B4GALNT2: variants seen among roughly 807,000 people sequenced by gnomAD.
The protein encoded by B4GALNT2 is beta-1,4-N-acetyl-galactosaminyltransferase 2 (SID blood group).
B4GALNT2 carries 42 observed loss-of-function variants against 51.1 expected under a neutral mutation model. The observed-to-expected ratio is 0.82, with a 90% CI of 0.64 to 1.06. The LOEUF (loss-of-function observed/expected upper bound fraction) is 1.06, where lower values mean the gene tolerates loss of function less well. Among genes scored for constraint, B4GALNT2 ranks in the 50% least tolerant of loss-of-function variants. B4GALNT2 has a pLI of 0.00. For synonymous variants in B4GALNT2, 253 were observed against 251.7 expected, an observed-to-expected ratio of 1.01 and a Z score of -0.05; for missense variants, 602 against 633.6, an observed-to-expected ratio of 0.95 and a Z score of 0.54.
intron 4 of B4GALNT2, among the ~76,000 whole-genome samples, chr17:49,155,052 G>A (rs1363623777): frequency 2.0e-5 from 3 of 152,112 alleles, no homozygotes; most frequent in Non-Finnish European, 4.4e-5. Flanking sequence ...GCTCTTGCCT[G>A]TAATCCCACC....
At chr17:49,121,599 C>G in the B4GALNT2 span, among the ~76,000 whole-genome samples, 1 of 152,084 alleles carries the variant, frequency 6.6e-6, no homozygotes, top group Admixed American at 6.6e-5. Context: ...GCTGGAATGA[C>G]CAAATACAGA....
chr17:49,166,316 G>C, intron 9 of B4GALNT2, 62 bp downstream of exon 9: 2 of 1,175,352 alleles, frequency 1.7e-6, no homozygotes, highest in Non-Finnish European at 2.3e-6. Context: ...GAGGGGAGAA[G>C]AGAGCGGGAA....
chr17:49,169,573 G>C lies in B4GALNT2; in HGVS notation c.1366G>C (p.Val456Leu). 6.2e-6 allele frequency: 10 copies of C among 1,612,876 alleles called. No homozygotes were observed. Among genetic ancestry groups the C allele is most frequent in the Non-Finnish European group, 8.5e-6 (10 of 1,180,022 alleles). The change falls in exon 11 of 11, where the codon GTG (valine) becomes CTG (leucine). Residue 456 changes from valine to leucine, a missense_variant. Physicochemically the swap from Val to Leu is conservative, Grantham distance 32. Coordinates refer to ENST00000393354, the MANE Select transcript of B4GALNT2 (RefSeq NM_001159387.2). ...GTLLVGSCPE[V>L]IIGHQSRSPV... Reference sequence around the variant, plus strand: ...CCTACTCGTGGGGTCATGCCCAGAAGTGATTATAGGTCACCAGTCTCGGTC... The same window carrying C: ...CCTACTCGTGGGGTCATGCCCAGAACTGATTATAGGTCACCAGTCTCGGTC...
At position 49,171,769 on chromosome 17, in the gene B4GALNT2, G is replaced by A. The variant is rs868446461; in HGVS notation, c.*2041G>A. Reference sequence around the variant, plus strand: ...ATAATGATTCCATAGGAATCGTTGTGCAGCACCTCTACCTGTTCTGCAATG... The same window carrying A: ...ATAATGATTCCATAGGAATCGTTGTACAGCACCTCTACCTGTTCTGCAATG... On this transcript the variant is annotated 3_prime_UTR_variant, in exon 11 of 11. Coordinates refer to ENST00000393354, the MANE Select transcript of B4GALNT2 (RefSeq NM_001159387.2). The A allele has an allele frequency of 3.5e-5, 15 of 422,878 alleles. No individual in the cohort carries two copies. Among genetic ancestry groups the A allele is most frequent in the African/African-American group, 1.3e-4 (6 of 47,746 alleles). 26.2% of individuals were successfully genotyped at this position (422,878 alleles called of 1,614,324 possible). A position where few individuals can be genotyped will look rare whatever the true frequency, so the allele number is the denominator to read the frequency against.
rs201429943 is a variant in B4GALNT2 at position 49,166,162 on chromosome 17, T to C, written c.1003T>C (p.Tyr335His). 6.2e-7 allele frequency: 1 copy of C among 1,614,120 alleles called. No homozygotes were observed. The highest frequency in any genetic ancestry group is 2.2e-5 in the East Asian group (1 of 44,886). Residue 335 changes from tyrosine to histidine, a missense_variant, in exon 9 of 11, where the codon TAC (tyrosine) becomes CAC (histidine). Coordinates refer to ENST00000393354, the MANE Select transcript of B4GALNT2 (RefSeq NM_001159387.2). ...GGCCATATCTCAGGTCACCACCAAA[T>C]ACGTTCTCTGGGTGGACGATGATTT... Reference protein sequence around the residue: ...NLAISQVTTKYVLWVDDDFLF... With the variant: ...NLAISQVTTKHVLWVDDDFLF...
chr17:49,152,917 C>T lies in B4GALNT2; in HGVS notation c.460+11C>T, dbSNP rs775576501. The T allele has an allele frequency of 1.9e-6, 3 of 1,592,702 alleles. No individual in the cohort carries two copies. In the East Asian group the frequency reaches 6.8e-5, roughly 36 times the overall value. ...CGGTTCCCATCCCAGGTAAGTACAT[C>T]CACATACCAAGAGACCCCAGACAAC... On this transcript the variant is annotated intron_variant, in intron 4 of 10. Coordinates refer to ENST00000393354, the MANE Select transcript of B4GALNT2 (RefSeq NM_001159387.2).
At chr17:49,136,612 TCTC>T (rs2042593047) in intron 1 of B4GALNT2, among the ~76,000 whole-genome samples, 4 of 152,006 alleles carry the variant, frequency 2.6e-5, no homozygotes, top group Admixed American at 2.6e-4. Context: ...AGTGGCGCGA[TCTC>T]AGCCCACTGC....
At chr17:49,120,772 A>C in the B4GALNT2 span, among the ~76,000 whole-genome samples, 2 of 152,052 alleles carry the variant, frequency 1.3e-5, no homozygotes, top group African/African-American at 4.8e-5. Flanking sequence ...GGCTTCCCAA[A>C]GTGCTGGGAA....
At chr17:49,137,963 T>C (rs537654375) in intron 1 of B4GALNT2, among the ~76,000 whole-genome samples, 1 of 152,316 alleles carries the variant, frequency 6.6e-6, no homozygotes, top group East Asian at 1.9e-4. Context: ...TGTATATTGG[T>C]ACAAATGCAG....
intron 1 of B4GALNT2, among the ~76,000 whole-genome samples, chr17:49,137,432 C>T (rs776985553): frequency 6.6e-6 from 1 of 152,118 alleles, no homozygotes; most frequent in Non-Finnish European, 1.5e-5. Flanking sequence ...CACATGCACT[C>T]ACTTGTTTTT....
intron 6 of B4GALNT2, 131 bp downstream of exon 6, chr17:49,159,348 G>GTT: frequency 9.0e-7 from 1 of 1,116,198 alleles, no homozygotes; most frequent in African/African-American, 1.6e-5. Flanking sequence ...GTTTTGTTTT[G>GTT]TTTTGTTTTT....
intron 5 of B4GALNT2, among the ~76,000 whole-genome samples, chr17:49,157,647 A>C (rs952440101): frequency 3.9e-5 from 6 of 151,942 alleles, no homozygotes; most frequent in South Asian, 2.1e-4. Context: ...TTTTTAGTAG[A>C]GTTGTGGTCT....
In B4GALNT2 at chr17:49,143,635, G is replaced by A. The variant is rs139113335; in HGVS notation, c.353+1463G>A. On this transcript the variant is annotated intron_variant, in intron 3 of 10. Coordinates refer to ENST00000393354, the MANE Select transcript of B4GALNT2 (RefSeq NM_001159387.2). ...TTGAAGCTAGCCACTGTCTTAGTCC[G>A]TTTTCTGTTACTATAGCAGAATACT... Among the ~76,000 whole-genome samples, 578 of 152,324 alleles carry A rather than the reference G, an allele frequency of 3.8e-3. 5 individuals carry two copies. Among genetic ancestry groups the A allele is most frequent in the African/African-American group, 0.013 (546 of 41,566 alleles).
chr17:49,149,686 TCAAA>T (rs2042730949), intron 3 of B4GALNT2, among the ~76,000 whole-genome samples: 1 of 152,234 alleles, frequency 6.6e-6, no homozygotes, highest in Non-Finnish European at 1.5e-5. Context: ...GATGTTCATT[TCAAA>T]CAATGCTGAA....
chr17:49,167,129 A>T (rs1323935313), intron 9 of B4GALNT2, among the ~76,000 whole-genome samples: 1 of 151,868 alleles, frequency 6.6e-6, no homozygotes. Flanking sequence ...GGCAACTCTT[A>T]CAGAGACCAG....
chr17:49,142,057 A>G lies in B4GALNT2; in HGVS notation c.238A>G (p.Lys80Glu), dbSNP rs371713741. 4 of 1,614,054 alleles carry G rather than the reference A, an allele frequency of 2.5e-6. No homozygotes were observed. The African/African-American group carries it at 5.3e-5, about 22-fold the overall frequency. The change falls in exon 3 of 11, where the codon AAA becomes GAA. Residue 80 changes from lysine to glutamate, a missense_variant. By Grantham distance (56) the Lys-to-Glu change is moderately conservative. Transcript: ENST00000393354. Reference protein sequence around the residue: ...GIWLFPKNQCKCEANKEQGGY... With the variant: ...GIWLFPKNQCECEANKEQGGY... ...CAGGCTGTTCCCGAAAAATCAGTGC[A>G]AATGTGAAGCCAACAAAGAGCAGGG...
At position 49,163,940 on chromosome 17, in the gene B4GALNT2, C is replaced by A. The variant is rs73338317; in HGVS notation, c.767-148C>A. The A allele has an allele frequency of 3.5e-3, 2,437 of 693,754 alleles. 37 individuals carry two copies. In the African/African-American group the frequency reaches 0.04, roughly 11 times the overall value. The allele number at this position is 693,754 out of a possible 1,614,324, so 43.0% of individuals were successfully genotyped here. ...TTTATTTTCTAATGCAACTAACAAA[C>A]TCTTATTAAGCACCTCCTGGGTACA... On this transcript the variant is annotated intron_variant, in intron 7 of 10. Coordinates refer to ENST00000393354, the MANE Select transcript of B4GALNT2 (RefSeq NM_001159387.2).
At chr17:49,124,059 A>G in the B4GALNT2 span, among the ~76,000 whole-genome samples, 1 of 152,226 alleles carries the variant, frequency 6.6e-6, no homozygotes, top group African/African-American at 2.4e-5. Flanking sequence ...GTATGCTCCA[A>G]ATTTTGTTCA....
chr17:49,155,496 G>A (rs1340218433), intron 4 of B4GALNT2, among the ~76,000 whole-genome samples: 1 of 150,142 alleles, frequency 6.7e-6, no homozygotes, highest in Non-Finnish European at 1.5e-5. Flanking sequence ...CAGCTACTCG[G>A]GAGGCTGAGG....
Sources: gnomAD v4.1 joint callset for allele counts (sites outside exome capture counted in the v4.1 genomes callset) on GRCh38, gnomAD v4.1.1 for gene constraint, MANE v1.5 for transcripts, NCBI Gene and HGNC (gene_info 2026-07-23, HGNC 2026-07-21) for gene names.